The following TRIB2 variants were observed in gnomAD, a reference collection of about 807,000 sequenced individuals.
TRIB2 encodes the protein tribbles pseudokinase 2.
TRIB2 carries 2 observed loss-of-function variants against 26.8 expected under a neutral mutation model. The ratio of observed to expected loss-of-function variants is 0.07; its 90% CI spans 0.03 to 0.24. The LOEUF is 0.24. TRIB2 is among the 10% of genes least tolerant of loss of function. The pLI is 1.00. For synonymous variants in TRIB2, 189 were observed against 187.3 expected (o/e 1.01, Z -0.08); for missense variants, 306 against 449.0 (o/e 0.68, Z 2.88).
intron 2 of TRIB2, 120 bp downstream of exon 2, chr2:12,723,672 C>T: frequency 8.5e-7 from 1 of 1,180,396 alleles, no homozygotes; most frequent in Non-Finnish European, 1.2e-6. Flanking sequence ...GGGAAGGAAT[C>T]TTAGGAGGGC....
chr2:12,735,861 G>T (rs763080306), intron 2 of TRIB2, among the ~76,000 whole-genome samples: 1 of 152,112 alleles, frequency 6.6e-6, no homozygotes, highest in Non-Finnish European at 1.5e-5. Flanking sequence ...AAAGGAGCAC[G>T]TAGTGTTGGA....
chr2:12,717,597 T>A lies in TRIB2; in HGVS notation c.-711T>A, dbSNP rs1167093122. ...TGACCGCACCAAGTTAAATGCTCCC[T>A]TGCAATTTTTCTTTTTTTTGTTTGT... On this transcript the variant is annotated 5_prime_UTR_variant, in exon 1 of 3. The change creates a new upstream start codon in the 5' untranslated region. Coordinates refer to ENST00000155926, the MANE Select transcript of TRIB2 (RefSeq NM_021643.4). This position sits in a 1 kb window ranked among gnomAD's most constrained non-coding sequence, Gnocchi z 4.8. The A allele has an allele frequency of 7.5e-6, 3 of 397,456 alleles. No homozygotes were observed. The highest frequency in any genetic ancestry group is 1.3e-5 in the Non-Finnish European group (3 of 225,692). The allele number at this position is 397,456 out of a possible 1,614,324, so 24.6% of individuals were successfully genotyped here. A position where few individuals can be genotyped will look rare whatever the true frequency, so the allele number is the denominator to read the frequency against.
chr2:12,720,925 G>A (rs747273534), intron 1 of TRIB2, among the ~76,000 whole-genome samples: 2 of 152,126 alleles, frequency 1.3e-5, no homozygotes, highest in Non-Finnish European at 2.9e-5. Context: ...GGCAGAATGG[G>A]TACTTTTTTT....
At chr2:12,735,754 T>G (rs1661554327) in intron 2 of TRIB2, among the ~76,000 whole-genome samples, 1 of 152,156 alleles carries the variant, frequency 6.6e-6, no homozygotes, top group Non-Finnish European at 1.5e-5. Flanking sequence ...CTCTCTGACC[T>G]GGGCTGGTTT....
chr2:12,735,354 C>T (rs1661545377), intron 2 of TRIB2, among the ~76,000 whole-genome samples: 1 of 152,086 alleles, frequency 6.6e-6, no homozygotes, highest in South Asian at 2.1e-4. Flanking sequence ...CAGGCTCCTG[C>T]CCCAAGGATT....
rs1666649305 is a variant in TRIB2 at position 12,718,418 on chromosome 2, G to C, written c.111G>C (p.Gln37His). 1 of 1,614,260 alleles carries C rather than the reference G, an allele frequency of 6.2e-7. No homozygotes were observed. Among genetic ancestry groups the C allele is most frequent in the Non-Finnish European group, 8.5e-7 (1 of 1,180,048 alleles). Residue 37 changes from glutamine to histidine, a missense_variant, in exon 1 of 3, where the codon CAG becomes CAC. Transcript: ENST00000155926. The surrounding 1 kb of genome is among the most constrained non-coding windows in gnomAD (Gnocchi z 4.0). Reference protein sequence around the residue: ...LSSIRSAEPSQSFSPNLGSPS... With the variant: ...LSSIRSAEPSHSFSPNLGSPS... The stretch of plus-strand genomic sequence containing the variant: ...CTATAAGGTCCGCGGAGCCCAGCCA[G>C]AGTTTCAGCCCGAACCTCGGCTCCC...
intron 2 of TRIB2, among the ~76,000 whole-genome samples, chr2:12,730,786 A>T (rs887475274): frequency 2.6e-5 from 4 of 152,190 alleles, no homozygotes; most frequent in African/African-American, 9.6e-5. Context: ...TCAACTAGCC[A>T]TATTGACAGT....
Position 12,723,475 on chromosome 2 carries a change from A to G in TRIB2, c.486A>G (p.Ala162=), listed in dbSNP as rs371345394. The G allele has an allele frequency of 1.1e-5, 18 of 1,614,128 alleles. No individual in the cohort carries two copies. In the African/African-American group the frequency reaches 2.0e-4, roughly 18 times the overall value. Residue 162 remains alanine (A), a synonymous_variant, in exon 2 of 3, where the codon GCA becomes GCG. Transcript: ENST00000155926. The stretch of plus-strand genomic sequence containing the variant: ...GACTGTTCTACCAGATTGCCTCGGC[A>G]GTGGCCCACTGCCATGACGGGGGGC... The part of the protein sequence containing the change: ...AARLFYQIAS[A]VAHCHDGGLV...
rs1266728032 is a variant in TRIB2 at position 12,717,406 on chromosome 2, G to T, written c.-902G>T. 1.0e-5 allele frequency: 4 copies of T among 398,386 alleles called. No individual in the cohort carries two copies. Among genetic ancestry groups the T allele is most frequent in the African/African-American group, 6.2e-5 (3 of 48,608 alleles). The allele number at this position is 398,386 out of a possible 1,614,324, so 24.7% of individuals were successfully genotyped here. On this transcript the variant is annotated 5_prime_UTR_variant, in exon 1 of 3. Transcript: ENST00000155926. This position sits in a 1 kb window ranked among gnomAD's most constrained non-coding sequence, Gnocchi z 4.8. ...GATCTGTCCTCGTTCTCTCCTGCAC[G>T]TCTGGCTGCATTCGGAGGAAGACCT...
At chr2:12,734,340 T>A (rs1661523870) in intron 2 of TRIB2, among the ~76,000 whole-genome samples, 1 of 152,056 alleles carries the variant, frequency 6.6e-6, no homozygotes, top group Non-Finnish European at 1.5e-5. Context: ...AGGAAGCATA[T>A]CCTGATTACT....
Position 12,717,093 on chromosome 2 carries a change from C to T in TRIB2, c.-1215C>T. 3.3e-6 allele frequency: 1 copy of T among 301,484 alleles called. No homozygotes were observed. The highest frequency in any genetic ancestry group is 6.0e-6 in the Non-Finnish European group (1 of 165,742). 18.7% of individuals were successfully genotyped at this position (301,484 alleles called of 1,614,324 possible). On this transcript the variant is annotated 5_prime_UTR_variant, in exon 1 of 3. Transcript: ENST00000155926. This position sits in a 1 kb window ranked among gnomAD's most constrained non-coding sequence, Gnocchi z 4.8. ...TGGCCTCGGGCACCGTCGGCCGTCC[C>T]CTTTAATTTTTAAATACACGGTCCC... is the stretch of plus-strand genomic sequence containing the variant.
intron 2 of TRIB2, among the ~76,000 whole-genome samples, chr2:12,735,824 C>T (rs1661555471): frequency 6.6e-6 from 1 of 152,254 alleles, no homozygotes; most frequent in East Asian, 1.9e-4. Context: ...CCTGGGCCCT[C>T]CCCACTAAAA....
At chr2:12,724,871 G>A in intron 2 of TRIB2, 1 of 1,585,748 alleles carries the variant, frequency 6.3e-7, no homozygotes, top group Non-Finnish European at 8.6e-7. Context: ...CAACGATACT[G>A]ACAAAGGTAT....
At chr2:12,734,022 G>A (rs747336664) in intron 2 of TRIB2, among the ~76,000 whole-genome samples, 3 of 152,024 alleles carry the variant, frequency 2.0e-5, no homozygotes, top group East Asian at 1.9e-4. Context: ...GGGCTGGGCC[G>A]TCATTGAGTA....
Position 12,717,123 on chromosome 2 carries a change from T to G in TRIB2, c.-1185T>G. ...AATTTTTAAATACACGGTCCCCTCTTTTCTCTGGGGGGGGCAAGCAAGAAA... is the reference window on the plus strand; with the variant it reads ...AATTTTTAAATACACGGTCCCCTCTGTTCTCTGGGGGGGGCAAGCAAGAAA... On this transcript the variant is annotated 5_prime_UTR_variant, in exon 1 of 3. Coordinates refer to ENST00000155926, the MANE Select transcript of TRIB2 (RefSeq NM_021643.4). This position sits in a 1 kb window ranked among gnomAD's most constrained non-coding sequence, Gnocchi z 4.8. The G allele has an allele frequency of 2.8e-6, 1 of 359,576 alleles. No homozygotes were observed. Among genetic ancestry groups the G allele is most frequent in the East Asian group, 4.1e-5 (1 of 24,338 alleles). 22.3% of individuals were successfully genotyped at this position (359,576 alleles called of 1,614,324 possible). A position where few individuals can be genotyped will look rare whatever the true frequency, so the allele number is the denominator to read the frequency against.
chr2:12,727,684 C>A (rs986746143), intron 2 of TRIB2, among the ~76,000 whole-genome samples: 4 of 152,138 alleles, frequency 2.6e-5, no homozygotes, highest in Non-Finnish European at 5.9e-5. Flanking sequence ...AGGGCAGAGC[C>A]TGGTTCTTTT....
intron 2 of TRIB2, chr2:12,724,774 G>A: frequency 6.2e-7 from 1 of 1,612,744 alleles, no homozygotes; most frequent in South Asian, 1.1e-5. Flanking sequence ...ATGCTGTATT[G>A]GCTCTAAGGT....
At position 12,717,487 on chromosome 2, in the gene TRIB2, C is replaced by T. The variant is rs74520169; in HGVS notation, c.-821C>T. On this transcript the variant is annotated 5_prime_UTR_variant, in exon 1 of 3. Coordinates refer to ENST00000155926, the MANE Select transcript of TRIB2 (RefSeq NM_021643.4). The surrounding 1 kb of genome is among the most constrained non-coding windows in gnomAD (Gnocchi z 4.8). ...CTGTGCTGACCTCCGCGCGGCGGGCCGAGCCCAGGGCTTTGTCGCGGTACC... is the reference window on the plus strand; with the variant it reads ...CTGTGCTGACCTCCGCGCGGCGGGCTGAGCCCAGGGCTTTGTCGCGGTACC... 2.5e-6 allele frequency: 1 copy of T among 398,442 alleles called. No homozygotes were observed. The highest frequency in any genetic ancestry group is 4.4e-6 in the Non-Finnish European group (1 of 225,898). 24.7% of individuals were successfully genotyped at this position (398,442 alleles called of 1,614,324 possible).
intron 2 of TRIB2, among the ~76,000 whole-genome samples, chr2:12,735,857 G>C (rs946491198): frequency 6.6e-6 from 1 of 152,132 alleles, no homozygotes; most frequent in Non-Finnish European, 1.5e-5. Flanking sequence ...AAGGAAAGGA[G>C]CACGTAGTGT....
Sources: gnomAD v4.1 joint callset for allele counts (sites outside exome capture counted in the v4.1 genomes callset) on GRCh38, gnomAD v4.1.1 for gene constraint, Gnocchi (gnomAD v3.1) non-coding constraint, MANE v1.5 for transcripts, NCBI Gene and HGNC (gene_info 2026-07-23, HGNC 2026-07-21) for gene names.